PXDNL: variants seen among roughly 807,000 people sequenced by gnomAD.
The protein encoded by PXDNL is peroxidasin like, also known as probable oxidoreductase PXDNL.
Under a neutral mutation model 150.8 loss-of-function variants are expected in PXDNL, and 145 were observed. The ratio of observed to expected loss-of-function variants is 0.96; its 90% CI spans 0.84 to 1.10. The LOEUF (loss-of-function observed/expected upper bound fraction) is 1.10, where lower values mean the gene tolerates loss of function less well. Among genes scored for constraint, PXDNL ranks in the 50% least tolerant of loss-of-function variants. The pLI, the probability that PXDNL is intolerant of heterozygous loss-of-function variation, is 0.00. For missense variants in PXDNL, 2,087 were observed against 1,873.9 expected, an observed-to-expected ratio of 1.11 and a Z score of -2.10; for synonymous variants, 757 against 725.7, an observed-to-expected ratio of 1.04 and a Z score of -0.69.
rs1430017701 is a variant in PXDNL at position 51,607,887 on chromosome 8, A to AGGAAGGAAGGAAGGAAGGAAGGAG, written c.237-15190_237-15189insCTCCTTCCTTCCTTCCTTCCTTCC. Among the ~76,000 whole-genome samples the AGGAAGGAAGGAAGGAAGGAAGGAG allele has an allele frequency of 1.9e-3, 228 of 119,594 alleles. 7 individuals are homozygous for AGGAAGGAAGGAAGGAAGGAAGGAG. The highest frequency in any genetic ancestry group is 7.9e-3 in the African/African-American group (219 of 27,768). 78.5% of individuals were successfully genotyped at this position (119,594 alleles called of 152,430 possible). Reference sequence around the variant, plus strand: ...AAGGAAGGAAGGAAGGAAGGAAGGAAGGAAGGAAGGTGGGGAGGGAGGGAG... The same window carrying AGGAAGGAAGGAAGGAAGGAAGGAG: ...AAGGAAGGAAGGAAGGAAGGAAGGAAGGAAGGAAGGAAGGAAGGAAGGAGGGAAGGAAGGTGGGGAGGGAGGGAG... On this transcript the variant is annotated intron_variant, in intron 2 of 22. Transcript: ENST00000356297.
intron 1 of PXDNL, among the ~76,000 whole-genome samples, chr8:51,667,680 C>T (rs1815413522): frequency 6.6e-6 from 1 of 152,154 alleles, no homozygotes; most frequent in Non-Finnish European, 1.5e-5. Context: ...ATCAATGTGC[C>T]AAGAATGTGA....
chr8:51,347,597 G>A (rs190285259), intron 19 of PXDNL, among the ~76,000 whole-genome samples: 2 of 152,182 alleles, frequency 1.3e-5, no homozygotes, highest in Admixed American at 1.3e-4. Context: ...GAAAATCCAA[G>A]CCTTCTTATA....
At chr8:51,424,752 T>C (rs767422129) in intron 13 of PXDNL, among the ~76,000 whole-genome samples, 1 of 152,170 alleles carries the variant, frequency 6.6e-6, no homozygotes, top group African/African-American at 2.4e-5. Context: ...AAACAGAGGA[T>C]GGGAGATATT....
At chr8:51,792,295 GT>G (rs973867843) in intron 1 of PXDNL, among the ~76,000 whole-genome samples, 2 of 152,158 alleles carry the variant, frequency 1.3e-5, no homozygotes, top group African/African-American at 4.8e-5. Flanking sequence ...GAAAAGAAGA[GT>G]AGTGTGACAG....
At chr8:51,533,121 A>T (rs1811941560) in intron 4 of PXDNL, among the ~76,000 whole-genome samples, 1 of 152,132 alleles carries the variant, frequency 6.6e-6, no homozygotes, top group Non-Finnish European at 1.5e-5. Flanking sequence ...ATCACCAAGT[A>T]TTCATATGCT....
chr8:51,349,700 G>A (rs754049858), intron 19 of PXDNL, among the ~76,000 whole-genome samples: 3 of 152,278 alleles, frequency 2.0e-5, no homozygotes, highest in East Asian at 1.9e-4. Flanking sequence ...TTGACAGTCC[G>A]TGGTGAATAA....
intron 10 of PXDNL, 144 bp from the exon 11 acceptor site, chr8:51,449,262 AG>A: frequency 3.4e-6 from 2 of 586,426 alleles, no homozygotes; most frequent in Non-Finnish European, 6.0e-6. Context: ...AAGAGTGTGG[AG>A]GTGCTTCTGT....
At chr8:51,356,650 G>A (rs1238315104) in intron 19 of PXDNL, among the ~76,000 whole-genome samples, 1 of 152,190 alleles carries the variant, frequency 6.6e-6, no homozygotes, top group East Asian at 1.9e-4. Context: ...CTTTTATGCT[G>A]GTAAAATAAG....
chr8:51,356,466 A>G (rs1806511567), intron 19 of PXDNL, among the ~76,000 whole-genome samples: 1 of 150,646 alleles, frequency 6.6e-6, no homozygotes. Flanking sequence ...TCCAGTGGTG[A>G]TAAGAGTGAA....
At chr8:51,640,066 T>C (rs1359651308) in intron 2 of PXDNL, among the ~76,000 whole-genome samples, 3 of 152,160 alleles carry the variant, frequency 2.0e-5, no homozygotes, top group Admixed American at 6.6e-5. Flanking sequence ...AATCAATACA[T>C]GTAATCCAGC....
At chr8:51,595,871 G>A (rs186190573) in intron 2 of PXDNL, among the ~76,000 whole-genome samples, 3 of 152,216 alleles carry the variant, frequency 2.0e-5, no homozygotes, top group Admixed American at 2.0e-4. Context: ...GAAGTCATCA[G>A]GCTGATTTAA....
At chr8:51,508,288 T>C (rs1389355337) in intron 4 of PXDNL, among the ~76,000 whole-genome samples, 3 of 152,160 alleles carry the variant, frequency 2.0e-5, no homozygotes, top group African/African-American at 7.2e-5. Flanking sequence ...AAAGGCAAAG[T>C]CAACTGTGAA....
chr8:51,641,066 C>A (rs1477226374), intron 2 of PXDNL, among the ~76,000 whole-genome samples: 1 of 152,070 alleles, frequency 6.6e-6, no homozygotes, highest in African/African-American at 2.4e-5. Flanking sequence ...CTACAACCAT[C>A]TGATCTTTGA....
rs370438598 is a variant in PXDNL at position 51,331,455 on chromosome 8, A to T, written c.4146+8169T>A. Among the ~76,000 whole-genome samples, 23 of 152,262 alleles carry T rather than the reference A, an allele frequency of 1.5e-4. 1 individual carries two copies. In the East Asian group the frequency reaches 4.3e-3, roughly 28 times the overall value. ...ACTTCCTTAGCTGAACTTTGTAACA[A>T]TTTCAGTGGGGACAGAAGCTTCCTA... On this transcript the variant is annotated intron_variant, in intron 21 of 22. Transcript: ENST00000356297.
At chr8:51,338,857 G>T (rs907906865) in intron 21 of PXDNL, among the ~76,000 whole-genome samples, 7 of 152,124 alleles carry the variant, frequency 4.6e-5, no homozygotes, top group African/African-American at 1.7e-4. Flanking sequence ...CCACAACTTT[G>T]TCAGAAAAAG....
intron 4 of PXDNL, among the ~76,000 whole-genome samples, chr8:51,538,647 A>G (rs1812142193): frequency 1.3e-5 from 2 of 152,190 alleles, no homozygotes; most frequent in Non-Finnish European, 2.9e-5. Flanking sequence ...GGCGTCTGTA[A>G]TCCCAGCTAC....
At chr8:51,398,934 T>A (rs1808167585) in intron 17 of PXDNL, among the ~76,000 whole-genome samples, 1 of 152,140 alleles carries the variant, frequency 6.6e-6, no homozygotes. Context: ...GAAAGAAAAT[T>A]AAGAATCATA....
intron 3 of PXDNL, among the ~76,000 whole-genome samples, chr8:51,583,239 A>G (rs1813248657): frequency 1.3e-5 from 2 of 152,110 alleles, no homozygotes; most frequent in South Asian, 4.1e-4. Context: ...AGCAGGTTGT[A>G]TGAGGAACAT....
In PXDNL at chr8:51,475,002, C is replaced by T. The variant is rs1231052847; in HGVS notation, c.664G>A (p.Ala222Thr). 2 of 1,606,408 alleles carry T rather than the reference C, an allele frequency of 1.2e-6. No individual in the cohort carries two copies. Among genetic ancestry groups the T allele is most frequent in the Non-Finnish European group, 8.5e-7 (1 of 1,176,062 alleles). The change falls in exon 7 of 23, where the codon GCT becomes ACT. Residue 222 changes from alanine to threonine, a missense_variant. Ala to Thr is a moderately conservative substitution (Grantham distance 58). Coordinates refer to ENST00000356297, the MANE Select transcript of PXDNL (RefSeq NM_144651.5). ...YPRRLHGRAV[A>T]SVTVEEFNCQ... Reference sequence around the variant, plus strand: ...TTGAATTCCTCTACTGTTACTGAAGCAACTGCACGCCCATGGAGTCTCCTG... The same window carrying T: ...TTGAATTCCTCTACTGTTACTGAAGTAACTGCACGCCCATGGAGTCTCCTG...
Sources: allele counts gnomAD v4.1 joint callset (sites outside exome capture counted in the v4.1 genomes callset), GRCh38; gene constraint gnomAD v4.1.1; transcripts MANE v1.5; gene names NCBI Gene and HGNC (gene_info 2026-07-23, HGNC 2026-07-21).